The following PTPRD variants were observed in gnomAD, a reference collection of about 807,000 sequenced individuals.
PTPRD encodes protein tyrosine phosphatase receptor type D.
Under a neutral mutation model 214.5 loss-of-function variants are expected in PTPRD, and 34 were observed. That is an observed-to-expected ratio of 0.16 (90% CI 0.12 to 0.21). The LOEUF is 0.21. PTPRD is among the 10% of genes least tolerant of loss of function. PTPRD has a pLI of 1.00. For synonymous variants in PTPRD, 1,128 were observed against 845.7 expected (o/e 1.33, Z -5.79); for missense variants, 2,545 against 2,398.7 (o/e 1.06, Z -1.27).
chr9:10,194,799 G>A (rs1384655492), intron 3 of PTPRD, among the ~76,000 whole-genome samples: 1 of 151,852 alleles, frequency 6.6e-6, no homozygotes, highest in African/African-American at 2.4e-5. Flanking sequence ...TTTATTAAAG[G>A]CTTACAGTAT....
chr9:9,136,926 G>C (rs376553091), intron 10 of PTPRD, among the ~76,000 whole-genome samples: 1 of 152,122 alleles, frequency 6.6e-6, no homozygotes, highest in African/African-American at 2.4e-5. Flanking sequence ...GATTTACTCT[G>C]TGCCTGGCTT....
chr9:9,335,352 T>C (rs2044023977), intron 9 of PTPRD, among the ~76,000 whole-genome samples: 1 of 152,042 alleles, frequency 6.6e-6, no homozygotes, highest in Admixed American at 6.6e-5. Context: ...AACACTAGAT[T>C]TAGAGTGAAG....
In PTPRD at chr9:9,417,621, TTA is replaced by T. The variant is rs146750074; in HGVS notation, c.-236-20141_-236-20140del. Among the ~76,000 whole-genome samples the T allele has an allele frequency of 4.6e-3, 705 of 152,134 alleles. 2 individuals are homozygous for T. Among genetic ancestry groups the T allele is most frequent in the African/African-American group, 0.016 (665 of 41,548 alleles). ...ACCTGAGGGAAGTTGAGTTAAAAAA[TTA>T]TAGTCACAACAAAACTTGATTAAAA... On this transcript the variant is annotated intron_variant, in intron 8 of 45. Coordinates refer to ENST00000381196, the MANE Select transcript of PTPRD (RefSeq NM_002839.4).
chr9:8,832,478 A>T (rs1178471923), intron 11 of PTPRD, among the ~76,000 whole-genome samples: 1 of 150,286 alleles, frequency 6.7e-6, no homozygotes, highest in Non-Finnish European at 1.5e-5. Context: ...ATAGGCAATG[A>T]ATTACAAGTA....
intron 11 of PTPRD, among the ~76,000 whole-genome samples, chr9:8,778,437 G>A (rs888262895): frequency 3.3e-5 from 5 of 152,010 alleles, no homozygotes; most frequent in South Asian, 2.1e-4. Flanking sequence ...AGAAGTTCTC[G>A]CTACCTCTGG....
At chr9:10,223,879 A>C (rs2099580050) in intron 3 of PTPRD, among the ~76,000 whole-genome samples, 1 of 151,640 alleles carries the variant, frequency 6.6e-6, no homozygotes. Flanking sequence ...TAAACAACTT[A>C]ATCTATACAC....
chr9:8,603,037 T>G (rs780919462), intron 14 of PTPRD, among the ~76,000 whole-genome samples: 1 of 152,202 alleles, frequency 6.6e-6, no homozygotes, highest in Non-Finnish European at 1.5e-5. Flanking sequence ...AAACCTGTCT[T>G]AATCAATTTT....
intron 34 of PTPRD, among the ~76,000 whole-genome samples, chr9:8,449,217 G>C (rs1001975275): frequency 2.0e-5 from 3 of 151,908 alleles, no homozygotes; most frequent in African/African-American, 4.8e-5. Context: ...TTTAGTATAG[G>C]TAATATTTAA....
At chr9:8,607,650 A>T (rs188867330) in intron 14 of PTPRD, among the ~76,000 whole-genome samples, 64 of 152,274 alleles carry the variant, frequency 4.2e-4, no homozygotes, top group Non-Finnish European at 8.2e-4. Context: ...CTCGGAAAAA[A>T]AATTAAAAAA....
chr9:9,147,323 G>C lies in PTPRD; in HGVS notation c.-143+35981C>G, dbSNP rs1429557315. On this transcript the variant is annotated intron_variant, in intron 10 of 45. Coordinates refer to ENST00000381196, the MANE Select transcript of PTPRD (RefSeq NM_002839.4). ...TTTTGCAGTAAAAATGAGTTTCCTG[G>C]GGTGGGGGAGGGGATTAATACTGTT... is the stretch of plus-strand genomic sequence containing the variant. Among the ~76,000 whole-genome samples, 4 of 151,786 alleles carry C rather than the reference G, an allele frequency of 2.6e-5. No individual in the cohort carries two copies. In the East Asian group the frequency reaches 7.8e-4, roughly 29 times the overall value.
intron 2 of PTPRD, among the ~76,000 whole-genome samples, chr9:10,488,199 C>G (rs2099145623): frequency 6.6e-6 from 1 of 151,792 alleles, no homozygotes. Flanking sequence ...AACCCCATCT[C>G]TACTAAAAAT....
At chr9:10,147,013 C>T (rs957982683) in intron 3 of PTPRD, among the ~76,000 whole-genome samples, 1 of 152,000 alleles carries the variant, frequency 6.6e-6, no homozygotes, top group Non-Finnish European at 1.5e-5. Flanking sequence ...TGGGCACAGC[C>T]GATGGAATAT....
At chr9:9,970,777 G>C (rs7870952) in intron 4 of PTPRD, among the ~76,000 whole-genome samples, 33,857 of 152,096 alleles carry the variant, frequency 0.22, 4,719 homozygotes, top group African/African-American at 0.39. Flanking sequence ...TGGAGTATCA[G>C]TATCACTGTT....
chr9:9,509,847 C>T (rs1032111335), intron 8 of PTPRD, among the ~76,000 whole-genome samples: 2 of 151,526 alleles, frequency 1.3e-5, no homozygotes, highest in Admixed American at 6.6e-5. Context: ...TATACAATTA[C>T]TTTCCAGATC....
chr9:10,469,055 C>A (rs2099013266), intron 2 of PTPRD, among the ~76,000 whole-genome samples: 1 of 152,028 alleles, frequency 6.6e-6, no homozygotes, highest in Non-Finnish European at 1.5e-5. Flanking sequence ...AAAAATTATC[C>A]TCTTTAAAGA....
chr9:9,900,349 C>T (rs896631178), intron 5 of PTPRD, among the ~76,000 whole-genome samples: 2 of 152,218 alleles, frequency 1.3e-5, no homozygotes, highest in African/African-American at 4.8e-5. Context: ...AATAATCACC[C>T]TTAAGTTCAA....
intron 9 of PTPRD, among the ~76,000 whole-genome samples, chr9:9,302,199 T>A (rs963551662): frequency 2.0e-5 from 3 of 151,968 alleles, no homozygotes; most frequent in Non-Finnish European, 4.4e-5. Context: ...CTTCTTTTTT[T>A]AAATTGCTTT....
At chr9:9,832,578 C>T (rs73398679) in intron 5 of PTPRD, among the ~76,000 whole-genome samples, 203 of 152,018 alleles carry the variant, frequency 1.3e-3, no homozygotes, top group African/African-American at 4.7e-3. Context: ...CTCATTCATA[C>T]TTCTAGGGTA....
At chr9:9,713,463 G>C (rs1461117603) in intron 7 of PTPRD, among the ~76,000 whole-genome samples, 1 of 152,116 alleles carries the variant, frequency 6.6e-6, no homozygotes, top group Admixed American at 6.6e-5. Flanking sequence ...AATTAATGGA[G>C]AAGAAAGGAA....
Sources: allele counts gnomAD v4.1 joint callset (sites outside exome capture counted in the v4.1 genomes callset), GRCh38; gene constraint gnomAD v4.1.1; transcripts MANE v1.5; gene names NCBI Gene and HGNC (gene_info 2026-07-23, HGNC 2026-07-21).